The following EDIL3 variants were observed in gnomAD, a reference collection of about 807,000 sequenced individuals.
EDIL3 encodes the protein EGF-like repeat and discoidin I-like domain-containing protein 3.
A neutral mutation model predicts 67.4 loss-of-function variants in EDIL3; 37 were observed. The ratio of observed to expected loss-of-function variants is 0.55; its 90% CI spans 0.42 to 0.72. EDIL3 has a LOEUF of 0.72. EDIL3 is among the 30% of genes least tolerant of loss of function. The pLI, the probability that EDIL3 is intolerant of heterozygous loss-of-function variation, is 0.00. For synonymous variants in EDIL3, 195 were observed against 196.3 expected (o/e 0.99, Z 0.05); for missense variants, 527 against 586.3 (o/e 0.90, Z 1.04).
In EDIL3 at chr5:83,940,776, G is replaced by T. The variant is rs1476920638; in HGVS notation, c.*2643C>A. Reference sequence around the variant, plus strand: ...TTCTGCACTTAATGACACATCAGACGCATTGAGTATATTTCATAAGTTGTT... The same window carrying T: ...TTCTGCACTTAATGACACATCAGACTCATTGAGTATATTTCATAAGTTGTT... On this transcript the variant is annotated 3_prime_UTR_variant, in exon 11 of 11. Transcript: ENST00000296591. The T allele has an allele frequency of 1.3e-5, 2 of 151,886 alleles. No individual in the cohort carries two copies. The highest frequency in any genetic ancestry group is 2.1e-4 in the South Asian group (1 of 4,826). The allele number at this position is 151,886 out of a possible 1,614,324, so 9.4% of individuals were successfully genotyped here. A position where few individuals can be genotyped will look rare whatever the true frequency, so the allele number is the denominator to read the frequency against.
intron 9 of EDIL3, among the ~76,000 whole-genome samples, chr5:84,051,185 T>C (rs1351368890): frequency 6.6e-6 from 1 of 152,204 alleles, no homozygotes; most frequent in African/African-American, 2.4e-5. Flanking sequence ...CCTCCGCTGC[T>C]GATACCCAGG....
chr5:84,202,348 C>A (rs1743861646), intron 3 of EDIL3, among the ~76,000 whole-genome samples: 1 of 152,104 alleles, frequency 6.6e-6, no homozygotes, highest in Non-Finnish European at 1.5e-5. Flanking sequence ...GAGCTTTCTC[C>A]TGAGCCATAA....
At chr5:84,243,299 AT>A (rs960595540) in intron 2 of EDIL3, among the ~76,000 whole-genome samples, 7 of 152,314 alleles carry the variant, frequency 4.6e-5, no homozygotes, top group African/African-American at 1.7e-4. Flanking sequence ...ACAGGAAAGC[AT>A]TGTGGAAAGT....
chr5:84,230,377 C>T (rs1288727212), intron 2 of EDIL3, among the ~76,000 whole-genome samples: 2 of 151,078 alleles, frequency 1.3e-5, no homozygotes, highest in Admixed American at 6.6e-5. Context: ...AAGAATTAAA[C>T]TTCAGGGTGA....
intron 1 of EDIL3, among the ~76,000 whole-genome samples, chr5:84,259,357 C>T (rs909518132): frequency 6.6e-6 from 1 of 152,174 alleles, no homozygotes; most frequent in African/African-American, 2.4e-5. Flanking sequence ...ATTTATCCTA[C>T]TGTCAGCAGG....
chr5:83,990,557 G>C (rs1322994635), intron 9 of EDIL3, among the ~76,000 whole-genome samples: 1 of 151,638 alleles, frequency 6.6e-6, no homozygotes, highest in Non-Finnish European at 1.5e-5. Flanking sequence ...AGAAGACTTG[G>C]TGAAATGATT....
chr5:84,305,269 G>A (rs1250413135), intron 1 of EDIL3, among the ~76,000 whole-genome samples: 1 of 152,108 alleles, frequency 6.6e-6, no homozygotes, highest in East Asian at 1.9e-4. Context: ...GGATACATAT[G>A]TGAACAAATA....
intron 1 of EDIL3, among the ~76,000 whole-genome samples, chr5:84,295,329 C>T (rs140026667): frequency 2.0e-5 from 3 of 151,982 alleles, no homozygotes; most frequent in African/African-American, 7.2e-5. Flanking sequence ...CATTTATGCA[C>T]TAATAATATG....
intron 3 of EDIL3, among the ~76,000 whole-genome samples, chr5:84,216,710 A>T (rs1341777643): frequency 6.6e-6 from 1 of 152,192 alleles, no homozygotes; most frequent in Non-Finnish European, 1.5e-5. Flanking sequence ...TTGACTGAAT[A>T]AAAAAATCAT....
chr5:84,145,027 C>T (rs1208427449), intron 4 of EDIL3, among the ~76,000 whole-genome samples: 3 of 152,074 alleles, frequency 2.0e-5, no homozygotes, highest in Non-Finnish European at 4.4e-5. Flanking sequence ...TTCCATGAAT[C>T]AGGCATTAAA....
chr5:84,363,393 T>C (rs1747655609), intron 1 of EDIL3, among the ~76,000 whole-genome samples: 1 of 148,148 alleles, frequency 6.8e-6, no homozygotes, highest in Admixed American at 6.9e-5. Flanking sequence ...GAGGTTGCAG[T>C]GAGCCGAGAT....
intron 1 of EDIL3, among the ~76,000 whole-genome samples, chr5:84,381,518 T>C (rs536118765): frequency 6.6e-6 from 1 of 152,136 alleles, no homozygotes; most frequent in Non-Finnish European, 1.5e-5. Context: ...ATACTAATCA[T>C]AAAAGGTTAG....
intron 1 of EDIL3, among the ~76,000 whole-genome samples, chr5:84,343,227 T>C (rs1036999747): frequency 2.6e-5 from 4 of 151,960 alleles, no homozygotes; most frequent in African/African-American, 7.2e-5. Context: ...TTTTTTTAAG[T>C]AGGAAATTTT....
At chr5:84,224,689 A>G (rs1744414210) in intron 3 of EDIL3, among the ~76,000 whole-genome samples, 1 of 151,434 alleles carries the variant, frequency 6.6e-6, no homozygotes, top group Non-Finnish European at 1.5e-5. Context: ...ACCCCCTCAC[A>G]TTCTTCATAT....
intron 1 of EDIL3, among the ~76,000 whole-genome samples, chr5:84,289,384 AACTT>A (rs1291659122): frequency 1.3e-5 from 2 of 152,164 alleles, no homozygotes; most frequent in Non-Finnish European, 2.9e-5. Flanking sequence ...TTCTTCCCAG[AACTT>A]ACTATTTCCC....
intron 9 of EDIL3, among the ~76,000 whole-genome samples, chr5:83,978,488 C>T (rs1393882454): frequency 1.3e-5 from 2 of 151,868 alleles, no homozygotes; most frequent in Non-Finnish European, 2.9e-5. Context: ...ATGTGCTAAA[C>T]TGATTTGAAA....
intron 9 of EDIL3, among the ~76,000 whole-genome samples, chr5:84,009,476 G>A (rs1489399518): frequency 3.9e-5 from 6 of 151,988 alleles, no homozygotes; most frequent in Non-Finnish European, 7.4e-5. Context: ...TAACAAATAT[G>A]TTTAACATAT....
intron 1 of EDIL3, among the ~76,000 whole-genome samples, chr5:84,305,781 A>G (rs1358273546): frequency 6.6e-6 from 1 of 152,136 alleles, no homozygotes. Flanking sequence ...CGGGAGGCTG[A>G]GGCAGGAGAA....
intron 3 of EDIL3, among the ~76,000 whole-genome samples, chr5:84,209,916 A>T (rs1307318735): frequency 6.6e-6 from 1 of 152,194 alleles, no homozygotes; most frequent in Non-Finnish European, 1.5e-5. Flanking sequence ...TCTATATCAC[A>T]CTGAGACACT....
Sources: allele counts gnomAD v4.1 joint callset (sites outside exome capture counted in the v4.1 genomes callset), GRCh38; gene constraint gnomAD v4.1.1; transcripts MANE v1.5; gene names NCBI Gene and HGNC (gene_info 2026-07-23, HGNC 2026-07-21).